MEGF6: variants seen among roughly 807,000 people sequenced by gnomAD.
The protein encoded by MEGF6 is multiple EGF like domains 6.
In MEGF6, 184 loss-of-function variants were observed where a neutral mutation model predicts 207.1. That is an observed-to-expected ratio of 0.89 (90% CI 0.79 to 1.00). MEGF6 has a LOEUF of 1.00. Among genes scored for constraint, MEGF6 ranks in the 50% least tolerant of loss-of-function variants. The pLI, the probability that MEGF6 is intolerant of heterozygous loss-of-function variation, is 0.00. For missense variants in MEGF6, 2,282 were observed against 2,202.9 expected (o/e 1.04, Z -0.72); for synonymous variants, 1,038 against 910.0 (o/e 1.14, Z -2.53).
intron 3 of MEGF6, among the ~76,000 whole-genome samples, chr1:3,591,746 A>G (rs75077922): frequency 2.2e-4 from 22 of 101,132 alleles, no homozygotes; most frequent in East Asian, 3.2e-4. Flanking sequence ...GGGCGCCGGC[A>G]AGGGGGCTGT....
chr1:3,553,964 G>A (rs887302216), intron 4 of MEGF6, among the ~76,000 whole-genome samples: 1 of 152,232 alleles, frequency 6.6e-6, no homozygotes, highest in Admixed American at 6.5e-5. Flanking sequence ...CCCCAGGAAT[G>A]TTCTGCCTGG....
At chr1:3,552,345 C>G (rs1254733072) in intron 4 of MEGF6, among the ~76,000 whole-genome samples, 1 of 152,214 alleles carries the variant, frequency 6.6e-6, no homozygotes, top group African/African-American at 2.4e-5. Flanking sequence ...TGGGGCTGCG[C>G]CTGATGCCAG....
intron 4 of MEGF6, among the ~76,000 whole-genome samples, chr1:3,559,421 C>T (rs1282415745): frequency 6.7e-6 from 1 of 149,716 alleles, no homozygotes; most frequent in African/African-American, 2.5e-5. Context: ...CTTTGGGAGG[C>T]TGAGACAGGA....
At chr1:3,585,379 G>A (rs1276861291) in intron 3 of MEGF6, among the ~76,000 whole-genome samples, 1 of 150,458 alleles carries the variant, frequency 6.6e-6, no homozygotes, top group Non-Finnish European at 1.5e-5. Context: ...GTGTGTGGGT[G>A]TCTGGACGCA....
intron 4 of MEGF6, among the ~76,000 whole-genome samples, chr1:3,576,229 C>T (rs1284187649): frequency 1.3e-5 from 2 of 152,382 alleles, no homozygotes; most frequent in South Asian, 2.1e-4. Context: ...CCACGGCTCC[C>T]GCTGCTTCTG....
chr1:3,531,511 G>GCCCCGC, intron 4 of MEGF6: 1 of 1,046,642 alleles, frequency 9.6e-7, no homozygotes, highest in Non-Finnish European at 1.1e-6. Context: ...GCCGCCCCCG[G>GCCCCGC]CCCCGCCCCG....
chr1:3,550,122 C>G (rs1456993416), intron 4 of MEGF6, among the ~76,000 whole-genome samples: 1 of 152,194 alleles, frequency 6.6e-6, no homozygotes, highest in Non-Finnish European at 1.5e-5. Context: ...AAAGTAACGG[C>G]TCCCGACACA....
intron 4 of MEGF6, among the ~76,000 whole-genome samples, chr1:3,569,655 G>C (rs1643442873): frequency 6.6e-6 from 1 of 152,262 alleles, no homozygotes; most frequent in Non-Finnish European, 1.5e-5. Context: ...GAGCCAAGAG[G>C]CCTGGTCGTC....
Position 3,489,947 on chromosome 1 carries a change from G to C in MEGF6, c.*581C>G, listed in dbSNP as rs1640285340. 6.5e-6 allele frequency: 1 copy of C among 152,994 alleles called. No individual in the cohort carries two copies. Among genetic ancestry groups the C allele is most frequent in the African/African-American group, 2.4e-5 (1 of 41,468 alleles). 9.5% of individuals were successfully genotyped at this position (152,994 alleles called of 1,614,324 possible). A position where few individuals can be genotyped will look rare whatever the true frequency, so the allele number is the denominator to read the frequency against. On this transcript the variant is annotated 3_prime_UTR_variant, in exon 37 of 37. Transcript: ENST00000356575. ...GGTTGCCTGCTCCTTTACCTTCCTAGGTTTACATGGTACCGGAGCCAGCAG... is the reference window on the plus strand; with the variant it reads ...GGTTGCCTGCTCCTTTACCTTCCTACGTTTACATGGTACCGGAGCCAGCAG...
chr1:3,536,912 T>C (rs1642348347), intron 4 of MEGF6, among the ~76,000 whole-genome samples: 1 of 152,262 alleles, frequency 6.6e-6, no homozygotes. Flanking sequence ...TGTGTGTCTG[T>C]CCCTCAGTGC....
intron 2 of MEGF6, among the ~76,000 whole-genome samples, chr1:3,601,980 C>T (rs566583127): frequency 2.3e-4 from 35 of 152,214 alleles, no homozygotes; most frequent in Non-Finnish European, 4.6e-4. Flanking sequence ...CGGCACAACC[C>T]GCTTTGCGGC....
intron 35 of MEGF6, 55 bp downstream of exon 35, chr1:3,492,584 T>G: frequency 6.3e-7 from 1 of 1,592,306 alleles, no homozygotes; most frequent in Non-Finnish European, 8.6e-7. Context: ...AGGGTGGAGC[T>G]GAGGCTGATT....
intron 4 of MEGF6, among the ~76,000 whole-genome samples, chr1:3,578,981 T>C (rs1432601962): frequency 6.6e-6 from 1 of 152,256 alleles, no homozygotes; most frequent in African/African-American, 2.4e-5. Flanking sequence ...AATCGCTTCC[T>C]GCTGCCTGCC....
In MEGF6 at chr1:3,593,745, G is replaced by T. The variant is rs79522103; in HGVS notation, c.376+1593C>A. Among the ~76,000 whole-genome samples the T allele has an allele frequency of 8.9e-3, 1,360 of 152,126 alleles. 35 individuals are homozygous for T. In the East Asian group the frequency reaches 0.11, roughly 13 times the overall value. On this transcript the variant is annotated intron_variant, in intron 3 of 36. Coordinates refer to ENST00000356575, the MANE Select transcript of MEGF6 (RefSeq NM_001409.4). The stretch of plus-strand genomic sequence containing the variant: ...AAAGACCCCTTTGTTCCTCCCAGAC[G>T]ACAGGAGCAAAGAAACAGGCACAGC...
Position 3,511,655 on chromosome 1 carries a change from C to T in MEGF6, c.1009G>A (p.Ala337Thr). Residue 337 changes from alanine (A) to threonine (T), a missense_variant, in exon 9 of 37, where the codon GCC becomes ACC. Physicochemically the swap from Ala to Thr is moderately conservative, Grantham distance 58 (BLOSUM62 0). Transcript: ENST00000356575. ...IEMEIVNSCEANNGGCSHGCS... is the reference protein window; with the variant it reads ...IEMEIVNSCETNNGGCSHGCS... ...CCATGGGAGCAGCCGCCGTTGTTGG[C>T]CTCACAGCTGTTCACGATTTCCATC... The T allele has an allele frequency of 2.5e-6, 4 of 1,611,650 alleles. No homozygotes were observed. The highest frequency in any genetic ancestry group is 3.4e-6 in the Non-Finnish European group (4 of 1,178,774).
chr1:3,498,490 G>A lies in MEGF6; in HGVS notation c.3233C>T (p.Pro1078Leu), dbSNP rs1452219354. 2 of 1,577,590 alleles carry A rather than the reference G, an allele frequency of 1.3e-6. No homozygotes were observed. Among genetic ancestry groups the A allele is most frequent in the Non-Finnish European group, 1.7e-6 (2 of 1,163,608 alleles). Reference sequence around the variant, plus strand: ...CCGGCAGCCAGCTCTGACGTCCCGGGGGAGGCACTCTACAGGAGCAGAGGC... The same window carrying A: ...CCGGCAGCCAGCTCTGACGTCCCGGAGGAGGCACTCTACAGGAGCAGAGGC... ...AGLACEKECL[P>L]RDVRAGCRHS... Residue 1078 changes from proline (P) to leucine (L), a missense_variant, in exon 26 of 37, where the codon CCC becomes CTC. Physicochemically the swap from Pro to Leu is moderately conservative, Grantham distance 98. Transcript: ENST00000356575.
intron 1 of MEGF6, among the ~76,000 whole-genome samples, chr1:3,603,817 C>T (rs986339795): frequency 6.2e-5 from 9 of 145,824 alleles, no homozygotes; most frequent in Admixed American, 4.4e-4. Context: ...CTGCCCGCCC[C>T]GTCCAGCCAC....
intron 4 of MEGF6, among the ~76,000 whole-genome samples, chr1:3,533,502 C>T (rs1381080161): frequency 1.3e-5 from 2 of 152,252 alleles, no homozygotes; most frequent in Non-Finnish European, 2.9e-5. Context: ...AACAGAAGCT[C>T]GAGGGTCCCG....
At chr1:3,491,361 C>T (rs1640356278) in intron 35 of MEGF6, among the ~76,000 whole-genome samples, 1 of 152,112 alleles carries the variant, frequency 6.6e-6, no homozygotes, top group Non-Finnish European at 1.5e-5. Flanking sequence ...AGCGCAGGTG[C>T]CGGCAGCCGG....
Sources: gnomAD v4.1 joint callset for allele counts (sites outside exome capture counted in the v4.1 genomes callset) on GRCh38, gnomAD v4.1.1 for gene constraint, MANE v1.5 for transcripts, NCBI Gene and HGNC (gene_info 2026-07-23, HGNC 2026-07-21) for gene names.